The following LYST variants were observed in gnomAD, a reference collection of about 807,000 sequenced individuals.
LYST encodes lysosomal trafficking regulator, also known as lysosomal-trafficking regulator.
A neutral mutation model predicts 413.6 loss-of-function variants in LYST; 192 were observed. The observed-to-expected ratio is 0.46, with a 90% CI of 0.41 to 0.52. The LOEUF (loss-of-function observed/expected upper bound fraction) is 0.52, where lower values mean the gene tolerates loss of function less well. Among genes scored for constraint, LYST ranks in the 20% least tolerant of loss-of-function variants. The pLI is 0.00. For synonymous variants in LYST, 1,525 were observed against 1,567.3 expected, an observed-to-expected ratio of 0.97 and a Z score of 0.64; for missense variants, 3,815 against 4,499.9, an observed-to-expected ratio of 0.85 and a Z score of 4.35.
At chr1:235,721,542 T>A (rs137895088) in intron 39 of LYST, among the ~76,000 whole-genome samples, 114 of 152,232 alleles carry the variant, frequency 7.5e-4, no homozygotes, top group African/African-American at 2.6e-3. Context: ...CGAGCTTTGC[T>A]AAAAACAGAT....
At chr1:235,844,891 T>C (rs978787711) in intron 1 of LYST, among the ~76,000 whole-genome samples, 1 of 152,208 alleles carries the variant, frequency 6.6e-6, no homozygotes, top group Non-Finnish European at 1.5e-5. Flanking sequence ...ATCTAAGCTT[T>C]ACTGTGTAAC....
At chr1:235,850,802 A>G (rs1678443182) in intron 1 of LYST, among the ~76,000 whole-genome samples, 1 of 152,186 alleles carries the variant, frequency 6.6e-6, no homozygotes. Flanking sequence ...GATCAGGGGA[A>G]TGCAAATCAA....
intron 31 of LYST, among the ~76,000 whole-genome samples, chr1:235,740,132 T>C (rs1665223978): frequency 6.6e-6 from 1 of 152,186 alleles, no homozygotes; most frequent in Non-Finnish European, 1.5e-5. Context: ...TCAGTGTACT[T>C]GAAAGTGTCT....
chr1:235,783,598 TG>T (rs1417963427), intron 14 of LYST, among the ~76,000 whole-genome samples: 1 of 151,930 alleles, frequency 6.6e-6, no homozygotes, highest in Non-Finnish European at 1.5e-5. Flanking sequence ...TGTATACCTA[TG>T]TAACAAACCT....
intron 50 of LYST, among the ~76,000 whole-genome samples, chr1:235,667,894 T>C (rs956251867): frequency 3.3e-5 from 5 of 151,964 alleles, no homozygotes; most frequent in African/African-American, 1.2e-4. Context: ...GATCTCCTGA[T>C]CTCGTGATCT....
At chr1:235,725,892 G>A (rs1035531058) in intron 38 of LYST, among the ~76,000 whole-genome samples, 9 of 151,880 alleles carry the variant, frequency 5.9e-5, no homozygotes, top group African/African-American at 2.2e-4. Flanking sequence ...GAAGAGGTAG[G>A]GACCACAGGG....
chr1:235,722,201 C>T (rs1304053300), intron 39 of LYST, among the ~76,000 whole-genome samples: 3 of 152,114 alleles, frequency 2.0e-5, no homozygotes, highest in African/African-American at 7.2e-5. Context: ...CAGACAATGA[C>T]GTCAGAGAGG....
chr1:235,856,750 T>C (rs1398430583), intron 1 of LYST, among the ~76,000 whole-genome samples: 1 of 152,140 alleles, frequency 6.6e-6, no homozygotes, highest in African/African-American at 2.4e-5. Context: ...AGACTAATTA[T>C]CAGTATTACT....
chr1:235,685,416 A>G (rs1371081238), intron 48 of LYST, among the ~76,000 whole-genome samples: 1 of 152,104 alleles, frequency 6.6e-6, no homozygotes, highest in African/African-American at 2.4e-5. Flanking sequence ...TGCTGACTGG[A>G]TCATATAACT....
chr1:235,847,298 G>A (rs1677993302), intron 1 of LYST, among the ~76,000 whole-genome samples: 1 of 151,900 alleles, frequency 6.6e-6, no homozygotes, highest in Non-Finnish European at 1.5e-5. Context: ...ATGAAGGAAA[G>A]ATACAGTCTT....
Position 235,830,421 on chromosome 1 carries a change from C to T in LYST, c.-4G>A, listed in dbSNP as rs375855944. The T allele has an allele frequency of 4.2e-5, 67 of 1,603,852 alleles. No individual in the cohort carries two copies. Among genetic ancestry groups the T allele is most frequent in the South Asian group, 8.9e-5 (8 of 89,542 alleles). Reference sequence around the variant, plus strand: ...GTGAGTTACTGTCGGTGCTCATGACCGAGCTATAAAATAAGTATTACAAAA... The same window carrying T: ...GTGAGTTACTGTCGGTGCTCATGACTGAGCTATAAAATAAGTATTACAAAA... On this transcript the variant is annotated 5_prime_UTR_variant, in exon 3 of 53. Transcript: ENST00000389793.
chr1:235,669,844 T>C (rs1360990194), intron 50 of LYST, among the ~76,000 whole-genome samples: 1 of 152,214 alleles, frequency 6.6e-6, no homozygotes, highest in Non-Finnish European at 1.5e-5. Context: ...TCCAATTCTT[T>C]GTTCAAAACA....
At chr1:235,784,073 A>G (rs1320768087) in intron 14 of LYST, among the ~76,000 whole-genome samples, 1 of 151,706 alleles carries the variant, frequency 6.6e-6, no homozygotes. Flanking sequence ...GGAGACAGGG[A>G]TTTTCCATGT....
At chr1:235,883,613 T>C (rs926748517) in exon 1 of LYST, 2 of 152,586 alleles carry the variant, frequency 1.3e-5, no homozygotes, top group African/African-American at 4.8e-5. Context: ...CAAAAGGTCA[T>C]TGGGATGGCT....
rs573344084 is a variant in LYST at position 235,825,020 on chromosome 1, C to CA, written c.192+5205dup. Among the ~76,000 whole-genome samples the CA allele has an allele frequency of 2.4e-4, 36 of 149,742 alleles. No individual in the cohort carries two copies. In the South Asian group the frequency reaches 5.1e-3, roughly 21 times the overall value. On this transcript the variant is annotated intron_variant, in intron 3 of 52. Transcript: ENST00000389793. ...GGGCGACAGAGTTGAGACTCTGTCT[C>CA]AAAAAAAAGAAAACAACAACAACAA...
At chr1:235,738,743 A>G in intron 31 of LYST, 1 of 1,401,708 alleles carries the variant, frequency 7.1e-7, no homozygotes, top group South Asian at 1.2e-5. Context: ...AAGGCTACAC[A>G]TCCTGGGCCA....
chr1:235,804,551 C>T lies in LYST; in HGVS notation c.3508G>A (p.Gly1170Arg), dbSNP rs751798406. 4 of 1,613,552 alleles carry T rather than the reference C, an allele frequency of 2.5e-6. No homozygotes were observed. The highest frequency in any genetic ancestry group is 1.1e-5 in the South Asian group (1 of 91,072). The change falls in exon 7 of 53, where the codon GGG (glycine) becomes AGG (arginine). Residue 1170 changes from glycine to arginine, a missense_variant. By Grantham distance (125) the Gly-to-Arg change is moderately radical (BLOSUM62 -2). This residue lies in a region of LYST where 1,648 missense variants were observed against 1,810.3 expected (regional missense o/e 0.91). Coordinates refer to ENST00000389793, the MANE Select transcript of LYST (RefSeq NM_000081.4). ...LFDALLRVAL[G>R]NYSADFEHND... Reference sequence around the variant, plus strand: ...TGTTCAAAATCTGCTGAATAATTCCCGAGGGCAACTCGAAGCAGGGCATCA... The same window carrying T: ...TGTTCAAAATCTGCTGAATAATTCCTGAGGGCAACTCGAAGCAGGGCATCA...
At chr1:235,729,472 G>A in intron 37 of LYST, 124 bp downstream of exon 37, 1 of 709,884 alleles carries the variant, frequency 1.4e-6, no homozygotes, top group Non-Finnish European at 2.6e-6. Flanking sequence ...AGGCAAATTA[G>A]CCTATATGAT....
At chr1:235,758,947 G>C in intron 23 of LYST, 25 bp downstream of exon 23, 1 of 1,611,246 alleles carries the variant, frequency 6.2e-7, no homozygotes, top group East Asian at 2.2e-5. Context: ...AAAGGTGGGA[G>C]GAGTGTACAA....
Sources: allele counts gnomAD v4.1 joint callset (sites outside exome capture counted in the v4.1 genomes callset), GRCh38; gene constraint gnomAD v4.1.1; regional missense constraint gnomAD v4.1.1; transcripts MANE v1.5; gene names NCBI Gene and HGNC (gene_info 2026-07-23, HGNC 2026-07-21).